The following UBAP1 variants were observed in gnomAD, a reference collection of about 807,000 sequenced individuals.
The protein encoded by UBAP1 is ubiquitin-associated protein 1.
A neutral mutation model predicts 39.0 loss-of-function variants in UBAP1; 5 were observed. That is an observed-to-expected ratio of 0.13 (90% CI 0.07 to 0.27). UBAP1 has a LOEUF of 0.27. UBAP1 is among the 10% of genes least tolerant of loss of function. The pLI, the probability that UBAP1 is intolerant of heterozygous loss-of-function variation, is 1.00. For missense variants in UBAP1, 490 were observed against 608.1 expected, an observed-to-expected ratio of 0.81 and a Z score of 2.04; for synonymous variants, 211 against 225.1, an observed-to-expected ratio of 0.94 and a Z score of 0.56.
intron 1 of UBAP1, among the ~76,000 whole-genome samples, chr9:34,182,510 CT>C (rs1287893959): frequency 6.6e-6 from 1 of 152,050 alleles, no homozygotes; most frequent in African/African-American, 2.4e-5. Context: ...AATTCAGTGA[CT>C]AAAATTCTTA....
Position 34,250,736 on chromosome 9 carries a change from ATGCACCAG to A in UBAP1, c.1348_1355del (p.His450PhefsTer16). The A allele has an allele frequency of 6.2e-7, 1 of 1,613,546 alleles. No individual in the cohort carries two copies. Among genetic ancestry groups the A allele is most frequent in the Non-Finnish European group, 8.5e-7 (1 of 1,179,568 alleles). ...TCTTTTAGTGGAAGAGGCTCTGGAA[ATGCACCAG>A]TGTTCAGAAGAAAAGGTGGGAATCT... On this transcript the variant is annotated frameshift_variant, in exon 6 of 7. Coordinates refer to ENST00000297661, the MANE Select transcript of UBAP1 (RefSeq NM_016525.5). LOFTEE classifies it high-confidence loss of function.
At chr9:34,237,087 C>G (rs1196704266) in intron 3 of UBAP1, among the ~76,000 whole-genome samples, 1 of 152,190 alleles carries the variant, frequency 6.6e-6, no homozygotes, top group African/African-American at 2.4e-5. Flanking sequence ...TCGAGGGCTT[C>G]TTTCTCAGTC....
chr9:34,179,090 G>C lies in UBAP1; in HGVS notation c.-158G>C, dbSNP rs749845165. 1.6e-6 allele frequency: 2 copies of C among 1,278,060 alleles called. No individual in the cohort carries two copies. Among genetic ancestry groups the C allele is most frequent in the Non-Finnish European group, 2.0e-6 (2 of 1,010,148 alleles). The allele number at this position is 1,278,060 out of a possible 1,614,324, so 79.2% of individuals were successfully genotyped here. On this transcript the variant is annotated 5_prime_UTR_variant, in exon 1 of 7. Coordinates refer to ENST00000297661, the MANE Select transcript of UBAP1 (RefSeq NM_016525.5). Reference sequence around the variant, plus strand: ...CGGCTGCGGCACTGGCGGTGGCTACGGTGACGGCCTGGCCCGGAGCGGGCA... The same window carrying C: ...CGGCTGCGGCACTGGCGGTGGCTACCGTGACGGCCTGGCCCGGAGCGGGCA...
intron 1 of UBAP1, among the ~76,000 whole-genome samples, chr9:34,182,226 C>T (rs1377043489): frequency 1.4e-5 from 2 of 147,298 alleles, no homozygotes; most frequent in African/African-American, 5.2e-5. Flanking sequence ...GCACTGTTGC[C>T]CAGGCTGGAG....
chr9:34,237,742 A>AT (rs1182257387), intron 3 of UBAP1, among the ~76,000 whole-genome samples: 24 of 151,540 alleles, frequency 1.6e-4, no homozygotes, highest in Admixed American at 4.6e-4. Flanking sequence ...TAATTTTTGT[A>AT]TTTTTTGTAG....
intron 1 of UBAP1, among the ~76,000 whole-genome samples, chr9:34,187,306 T>G (rs967296725): frequency 1.3e-5 from 2 of 152,212 alleles, no homozygotes; most frequent in Admixed American, 1.3e-4. Context: ...ATGTGGTATA[T>G]CTCATCTGAC....
intron 1 of UBAP1, among the ~76,000 whole-genome samples, chr9:34,215,789 A>T: frequency 6.6e-6 from 1 of 152,106 alleles, no homozygotes; most frequent in Non-Finnish European, 1.5e-5. Flanking sequence ...GTACATATAT[A>T]TAAAAGATGT....
At position 34,228,382 on chromosome 9, in the gene UBAP1, C is replaced by T. The variant is rs538443336; in HGVS notation, c.35-5834C>T. On this transcript the variant is annotated intron_variant, in intron 2 of 6. Coordinates refer to ENST00000297661, the MANE Select transcript of UBAP1 (RefSeq NM_016525.5). Reference sequence around the variant, plus strand: ...GCAGTGAGCCGAGATTGTGCCACTGCACTCCAGCCTGGGCGACAGTGCGAG... The same window carrying T: ...GCAGTGAGCCGAGATTGTGCCACTGTACTCCAGCCTGGGCGACAGTGCGAG... Among the ~76,000 whole-genome samples, 397 of 145,762 alleles carry T rather than the reference C, an allele frequency of 2.7e-3. 2 individuals carry two copies. The highest frequency in any genetic ancestry group is 5.5e-3 in the Admixed American group (79 of 14,452).
intron 1 of UBAP1, among the ~76,000 whole-genome samples, chr9:34,207,053 T>C (rs1403408806): frequency 9.9e-5 from 14 of 142,016 alleles, no homozygotes; most frequent in Admixed American, 4.9e-4. Flanking sequence ...TATTTCTTTT[T>C]TTTTTTTTTT....
chr9:34,242,003 G>C lies in UBAP1; in HGVS notation c.978G>C (p.Leu326Phe), dbSNP rs1833983366. ...CTCTTGGGCTTTCAGCTTTGAACTT[G>C]GACAGTGGCACAGAGATGCCAGCCC... ...HHTLGLSALNLDSGTEMPALT... is the reference protein window; with the variant it reads ...HHTLGLSALNFDSGTEMPALT... Residue 326 changes from leucine to phenylalanine, a missense_variant, in exon 4 of 7, where the codon TTG becomes TTC. By Grantham distance (22) the Leu-to-Phe change is conservative. Coordinates refer to ENST00000297661, the MANE Select transcript of UBAP1 (RefSeq NM_016525.5). 1 of 1,614,030 alleles carries C rather than the reference G, an allele frequency of 6.2e-7. No homozygotes were observed. The highest frequency in any genetic ancestry group is 1.3e-5 in the African/African-American group (1 of 74,908).
At chr9:34,237,362 C>T (rs1276888958) in intron 3 of UBAP1, among the ~76,000 whole-genome samples, 2 of 152,066 alleles carry the variant, frequency 1.3e-5, no homozygotes, top group African/African-American at 2.4e-5. Context: ...TTTAAAAATG[C>T]AGCTTTCAGG....
At position 34,251,540 on chromosome 9, in the gene UBAP1, C is replaced by G; in HGVS notation, c.*8C>G. The G allele has an allele frequency of 6.2e-7, 1 of 1,613,352 alleles. No individual in the cohort carries two copies. Among genetic ancestry groups the G allele is most frequent in the South Asian group, 1.1e-5 (1 of 91,032 alleles). ...CGGGCAGGAGCCAGCTGAGACCAGG[C>G]CCTGCCTAGGCCCTGCCGCAGAACC... is the stretch of plus-strand genomic sequence containing the variant. On this transcript the variant is annotated 3_prime_UTR_variant, in exon 7 of 7. Transcript: ENST00000297661.
chr9:34,196,306 A>G (rs537091978), intron 1 of UBAP1, among the ~76,000 whole-genome samples: 1 of 75,132 alleles, frequency 1.3e-5, no homozygotes, highest in South Asian at 6.2e-4. Flanking sequence ...AGCTTGGCTA[A>G]TTAAAAACAA....
intron 1 of UBAP1, among the ~76,000 whole-genome samples, chr9:34,188,675 G>A (rs1210914688): frequency 1.3e-5 from 2 of 152,010 alleles, no homozygotes; most frequent in Non-Finnish European, 2.9e-5. Flanking sequence ...GTCTGTCTTG[G>A]GCCGGGTGCG....
intron 2 of UBAP1, 145 bp from the exon 3 acceptor site, chr9:34,234,071 G>A: frequency 1.3e-6 from 1 of 767,382 alleles, no homozygotes; most frequent in Non-Finnish European, 2.0e-6. Flanking sequence ...TAGGGTCAAG[G>A]AAAAGGTAAG....
chr9:34,209,445 A>T (rs1022278001), intron 1 of UBAP1, among the ~76,000 whole-genome samples: 1 of 151,970 alleles, frequency 6.6e-6, no homozygotes, highest in African/African-American at 2.4e-5. Context: ...GTTTCCTATC[A>T]TTTTTGCCTT....
intron 4 of UBAP1, among the ~76,000 whole-genome samples, chr9:34,246,165 C>G (rs1286443825): frequency 6.6e-6 from 1 of 152,194 alleles, no homozygotes; most frequent in African/African-American, 2.4e-5. Context: ...CTCCTGGGCT[C>G]AAGTGATCCT....
In UBAP1 at chr9:34,252,389, C is replaced by T. The variant is rs1834610538; in HGVS notation, c.*857C>T. On this transcript the variant is annotated 3_prime_UTR_variant, in exon 7 of 7. Transcript: ENST00000297661. ...CACCTAGTCATAGAAATCAGTCTCT[C>T]TGGTTTGTTTTGTATTATGTTGTAC... 6.6e-6 allele frequency: 1 copy of T among 152,644 alleles called. No individual in the cohort carries two copies. The highest frequency in any genetic ancestry group is 1.5e-5 in the Non-Finnish European group (1 of 68,034). The allele number at this position is 152,644 out of a possible 1,614,324, so 9.5% of individuals were successfully genotyped here.
chr9:34,205,047 AGAGT>A (rs1180335483), intron 1 of UBAP1, among the ~76,000 whole-genome samples: 1 of 152,098 alleles, frequency 6.6e-6, no homozygotes, highest in Admixed American at 6.6e-5. Flanking sequence ...TCTGTTACCC[AGAGT>A]GAGAGTGCAG....
Sources: gnomAD v4.1 joint callset for allele counts (sites outside exome capture counted in the v4.1 genomes callset) on GRCh38, gnomAD v4.1.1 for gene constraint, MANE v1.5 for transcripts, NCBI Gene and HGNC (gene_info 2026-07-23, HGNC 2026-07-21) for gene names.